The following DST variants were observed in gnomAD, a reference collection of about 807,000 sequenced individuals.
DST encodes dystonin, also known as bullous pemphigoid antigen.
Under a neutral mutation model 875.2 loss-of-function variants are expected in DST, and 253 were observed. The ratio of observed to expected loss-of-function variants is 0.29; its 90% CI spans 0.26 to 0.32. DST has a LOEUF of 0.32. DST is among the 10% of genes least tolerant of loss of function. DST has a pLI of 1.00. For synonymous variants in DST, 3,124 were observed against 3,197.1 expected (o/e 0.98, Z 0.77); for missense variants, 8,287 against 9,111.6 (o/e 0.91, Z 3.68).
At chr6:56,517,741 T>G in intron 69 of DST, 121 bp from the exon 70 acceptor site, 1 of 1,188,480 alleles carries the variant, frequency 8.4e-7, no homozygotes, top group East Asian at 2.7e-5. Context: ...TGTCTCCTCA[T>G]GGCATCCTAA....
chr6:56,590,237 G>GT (rs1183132374), intron 49 of DST, among the ~76,000 whole-genome samples: 15 of 151,952 alleles, frequency 9.9e-5, no homozygotes, highest in African/African-American at 3.6e-4. Flanking sequence ...TACTAAATAG[G>GT]TTTTTCCGTT....
At chr6:56,505,823 T>C (rs547122656) in intron 77 of DST, among the ~76,000 whole-genome samples, 1 of 151,806 alleles carries the variant, frequency 6.6e-6, no homozygotes, top group South Asian at 2.1e-4. Context: ...ACTGACAAGA[T>C]AATTTTTAAT....
intron 2 of DST, among the ~76,000 whole-genome samples, chr6:56,912,712 T>C (rs936206293): frequency 6.6e-6 from 1 of 152,192 alleles, no homozygotes; most frequent in Non-Finnish European, 1.5e-5. Context: ...GCACCTTCCA[T>C]CTATGGCTTT....
intron 49 of DST, among the ~76,000 whole-genome samples, chr6:56,583,917 A>C (rs554602702): frequency 1.8e-4 from 27 of 152,088 alleles, no homozygotes; most frequent in Non-Finnish European, 3.1e-4. Flanking sequence ...ACGCGGTGTT[A>C]TTTCTGAGGG....
intron 49 of DST, among the ~76,000 whole-genome samples, chr6:56,587,161 G>C (rs2098170408): frequency 6.6e-6 from 1 of 151,938 alleles, no homozygotes; most frequent in South Asian, 2.1e-4. Flanking sequence ...TGAAAACTTT[G>C]AAAAAAATTT....
intron 61 of DST, among the ~76,000 whole-genome samples, chr6:56,545,478 G>C (rs753509838): frequency 8.0e-5 from 12 of 150,676 alleles, no homozygotes; most frequent in Non-Finnish European, 1.6e-4. Flanking sequence ...TACTAAAGCA[G>C]ATGATTTCAG....
At chr6:56,595,059 C>T (rs2098347075) in intron 47 of DST, among the ~76,000 whole-genome samples, 1 of 152,182 alleles carries the variant, frequency 6.6e-6, no homozygotes, top group Admixed American at 6.5e-5. Flanking sequence ...TTCTTCCATT[C>T]ACCCCAATTT....
intron 2 of DST, among the ~76,000 whole-genome samples, chr6:56,950,592 C>T (rs1391976259): frequency 2.6e-5 from 4 of 152,280 alleles, no homozygotes; most frequent in South Asian, 2.1e-4. Flanking sequence ...CCAGAATGAA[C>T]GCTTGGTTTC....
Position 56,631,273 on chromosome 6 carries a change from C to T in DST, c.4080G>A (p.Glu1360=), listed in dbSNP as rs753272271. Residue 1360 remains glutamate (E), a synonymous_variant, in exon 30 of 104, where the codon GAG becomes GAA. Transcript: ENST00000680361. ...TCATGTTCTGAAGGACCACATTAAGCTCTGATCGTAGGGTAGGGACTGATG... is the reference window on the plus strand; with the variant it reads ...TCATGTTCTGAAGGACCACATTAAGTTCTGATCGTAGGGTAGGGACTGATG... The part of the protein sequence containing the change: ...ASSSVPTLRS[E]LNVVLQNMNQ... The T allele has an allele frequency of 6.8e-6, 11 of 1,613,944 alleles. No homozygotes were observed. Among genetic ancestry groups the T allele is most frequent in the Admixed American group, 1.7e-5 (1 of 60,016 alleles).
intron 2 of DST, among the ~76,000 whole-genome samples, chr6:56,924,067 T>A (rs1026774066): frequency 2.0e-5 from 3 of 152,058 alleles, no homozygotes; most frequent in African/African-American, 7.2e-5. Flanking sequence ...GAGGTTGCAG[T>A]GAGCCGAGAT....
intron 4 of DST, among the ~76,000 whole-genome samples, chr6:56,785,371 G>C (rs1289872834): frequency 6.6e-6 from 1 of 152,226 alleles, no homozygotes; most frequent in Non-Finnish European, 1.5e-5. Context: ...CACCCAGTTC[G>C]ATCTTCCAGG....
At chr6:56,551,638 C>T (rs2097324910) in intron 61 of DST, among the ~76,000 whole-genome samples, 1 of 152,106 alleles carries the variant, frequency 6.6e-6, no homozygotes, top group Admixed American at 6.6e-5. Context: ...AAAAATTCAC[C>T]TCTAATCCTC....
At position 56,603,627 on chromosome 6, in the gene DST, T is replaced by C. The variant is rs774830604; in HGVS notation, c.10878A>G (p.Leu3626=). 7 of 1,611,252 alleles carry C rather than the reference T, an allele frequency of 4.3e-6. No homozygotes were observed. The highest frequency in any genetic ancestry group is 5.9e-6 in the Non-Finnish European group (7 of 1,178,946). The change falls in exon 41 of 104, where the codon TTA becomes TTG. Residue 3626 remains leucine (L), a synonymous_variant. Coordinates refer to ENST00000680361, the MANE Select transcript of DST (RefSeq NM_001374736.1). ...LTLLQDMKPP[L]DNQESLDNNL... Reference sequence around the variant, plus strand: ...TGTTATCCAGAGATTCCTGGTTGTCTAAGGGGGGTTTCATATCTTGAAGCA... The same window carrying C: ...TGTTATCCAGAGATTCCTGGTTGTCCAAGGGGGGTTTCATATCTTGAAGCA...
At chr6:56,931,195 G>A (rs1280372369) in intron 2 of DST, among the ~76,000 whole-genome samples, 2 of 152,160 alleles carry the variant, frequency 1.3e-5, no homozygotes, top group Non-Finnish European at 1.5e-5. Context: ...GGCTGATATG[G>A]TTTGGCTCTG....
At chr6:56,881,974 C>T (rs1442666138) in intron 3 of DST, among the ~76,000 whole-genome samples, 2 of 152,172 alleles carry the variant, frequency 1.3e-5, no homozygotes, top group African/African-American at 4.8e-5. Flanking sequence ...TCAGTTAAAA[C>T]TCCAAAAGCT....
chr6:56,674,520 C>T (rs887182516), intron 9 of DST, among the ~76,000 whole-genome samples: 1 of 152,162 alleles, frequency 6.6e-6, no homozygotes, highest in Admixed American at 6.5e-5. Context: ...TGGTCTTGAA[C>T]TCCTGACCTC....
At chr6:56,713,818 A>G (rs2099386145) in intron 5 of DST, among the ~76,000 whole-genome samples, 1 of 152,184 alleles carries the variant, frequency 6.6e-6, no homozygotes. Flanking sequence ...CATATTTTAT[A>G]GTTTTAAGGC....
At chr6:56,920,840 T>G (rs1276708063) in intron 2 of DST, among the ~76,000 whole-genome samples, 1 of 146,738 alleles carries the variant, frequency 6.8e-6, no homozygotes, top group Non-Finnish European at 1.5e-5. Context: ...GTGATTCTCC[T>G]GCCTCAGCCT....
chr6:56,885,305 C>T (rs1206503315), intron 3 of DST, among the ~76,000 whole-genome samples: 5 of 152,242 alleles, frequency 3.3e-5, no homozygotes, highest in Middle Eastern at 3.4e-3. Flanking sequence ...ACTAACTCTG[C>T]GTACAATTCA....
Sources: gnomAD v4.1 joint callset for allele counts (sites outside exome capture counted in the v4.1 genomes callset) on GRCh38, gnomAD v4.1.1 for gene constraint, MANE v1.5 for transcripts, NCBI Gene and HGNC (gene_info 2026-07-23, HGNC 2026-07-21) for gene names.